PTPN5: variants seen among roughly 807,000 people sequenced by gnomAD.
PTPN5 encodes tyrosine-protein phosphatase non-receptor type 5.
In PTPN5, 29 loss-of-function variants were observed where a neutral mutation model predicts 73.9. The observed-to-expected ratio is 0.39, with a 90% CI of 0.29 to 0.54. The LOEUF is 0.54. Among genes scored for constraint, PTPN5 ranks in the 20% least tolerant of loss-of-function variants. PTPN5 has a pLI of 0.65. For synonymous variants in PTPN5, 267 were observed against 304.7 expected (o/e 0.88, Z 1.29); for missense variants, 652 against 751.4 (o/e 0.87, Z 1.55).
intron 2 of PTPN5, 56 bp from the exon 3 acceptor site, chr11:18,765,939 A>C: frequency 7.7e-7 from 1 of 1,305,416 alleles, no homozygotes; most frequent in Non-Finnish European, 1.1e-6. Flanking sequence ...CAAGACAAAA[A>C]CCCTGAGCAA....
rs546610934 is a variant in PTPN5, at chr11:18,743,718, G to A, written c.291+288C>T. 2.4e-4 allele frequency: 137 copies of A among 575,642 alleles called. 2 individuals carry two copies. The South Asian group carries it at 3.1e-3, about 13-fold the overall frequency. 35.7% of individuals were successfully genotyped at this position (575,642 alleles called of 1,614,324 possible). On this transcript the variant is annotated intron_variant, in intron 4 of 14. Transcript: ENST00000358540. ...TCTCCTAGAAAGGCCTCCACAGACA[G>A]GAGTTCTCAGGAGAACCCTGTACGG...
At chr11:18,756,220 T>C (rs986667953) in intron 3 of PTPN5, among the ~76,000 whole-genome samples, 1 of 151,882 alleles carries the variant, frequency 6.6e-6, no homozygotes, top group South Asian at 2.1e-4. Context: ...CCAGCTGACA[T>C]CTGGCTTATG....
chr11:18,736,226 C>T (rs1395318621), intron 9 of PTPN5, among the ~76,000 whole-genome samples: 2 of 152,122 alleles, frequency 1.3e-5, no homozygotes, highest in African/African-American at 2.4e-5. Context: ...CAGCTTGAGG[C>T]CAGAAGTTTG....
chr11:18,742,039 T>C lies in PTPN5; in HGVS notation c.725+223A>G, dbSNP rs1192877349. ...GAGCATGGGAGAGTGTGTGTGAACA[T>C]GTGTACACCTATGTGTGCGTGTGCA... On this transcript the variant is annotated intron_variant, in intron 7 of 14. Coordinates refer to ENST00000358540, the MANE Select transcript of PTPN5 (RefSeq NM_006906.2). The surrounding 1 kb of genome is among the most constrained non-coding windows in gnomAD (Gnocchi z 4.1). Among the ~76,000 whole-genome samples, 1 of 152,182 alleles carries C rather than the reference T, an allele frequency of 6.6e-6. No individual in the cohort carries two copies. Among genetic ancestry groups the C allele is most frequent in the African/African-American group, 2.4e-5 (1 of 41,444 alleles).
intron 3 of PTPN5, among the ~76,000 whole-genome samples, chr11:18,747,080 G>T (rs1246789477): frequency 1.2e-4 from 19 of 152,076 alleles, no homozygotes; most frequent in Admixed American, 1.2e-3. Flanking sequence ...GCGCTTCTTA[G>T]ATGTTTCTGC....
intron 3 of PTPN5, among the ~76,000 whole-genome samples, chr11:18,753,030 G>A (rs1422595469): frequency 1.3e-5 from 2 of 152,256 alleles, no homozygotes; most frequent in Non-Finnish European, 2.9e-5. Context: ...AACAGGGATT[G>A]CCTGTGGATA....
Position 18,729,826 on chromosome 11 carries a change from G to A in PTPN5, c.1330-8C>T. On this transcript the variant is annotated splice_polypyrimidine_tract_variant and splice_region_variant and intron_variant, in intron 12 of 14. Coordinates refer to ENST00000358540, the MANE Select transcript of PTPN5 (RefSeq NM_006906.2). This position sits in a 1 kb window ranked among gnomAD's most constrained non-coding sequence, Gnocchi z 5.2. ...TCGCTCCTCAGTCCCACTCTGTCGA[G>A]GAGACAGAGGCCCACCCCAGGTATG... The A allele has an allele frequency of 6.2e-7, 1 of 1,614,100 alleles. No individual in the cohort carries two copies. The highest frequency in any genetic ancestry group is 8.5e-7 in the Non-Finnish European group (1 of 1,179,982).
chr11:18,775,178 T>C (rs1851087495), intron 1 of PTPN5, among the ~76,000 whole-genome samples: 1 of 152,238 alleles, frequency 6.6e-6, no homozygotes, highest in Non-Finnish European at 1.5e-5. Context: ...CAGCTAGTTA[T>C]CACAGAACTT....
intron 1 of PTPN5, among the ~76,000 whole-genome samples, chr11:18,789,519 T>G (rs1851818100): frequency 6.6e-6 from 1 of 152,188 alleles, no homozygotes; most frequent in African/African-American, 2.4e-5. Context: ...CATTATGAAG[T>G]CTGTGTAAAC....
intron 8 of PTPN5, among the ~76,000 whole-genome samples, chr11:18,738,702 G>A (rs577316096): frequency 3.3e-5 from 5 of 152,180 alleles, no homozygotes; most frequent in South Asian, 4.2e-4. Context: ...GCCCGGGCGC[G>A]GTGGCTCACG....
intron 3 of PTPN5, 79 bp from the exon 4 acceptor site, chr11:18,744,278 T>A: frequency 7.9e-7 from 1 of 1,264,662 alleles, no homozygotes; most frequent in Non-Finnish European, 1.0e-6. Flanking sequence ...TTGGGGTGGC[T>A]GTGGCTGCCT....
In PTPN5 at chr11:18,743,037, C is replaced by T. The variant is rs1232355632; in HGVS notation, c.438G>A (p.Leu146=). 1.9e-6 allele frequency: 3 copies of T among 1,551,872 alleles called. No homozygotes were observed. The change falls in exon 6 of 15, where the codon CTG becomes CTA. Residue 146 remains leucine, a synonymous_variant. Transcript: ENST00000358540. ...LDSGTWGVPS[L]LLVFLSVGLV... Reference sequence around the variant, plus strand: ...GGCCCACGGACAGAAAGACCAGCAGCAGACTGGGGACTCCCCACGTCCCAG... The same window carrying T: ...GGCCCACGGACAGAAAGACCAGCAGTAGACTGGGGACTCCCCACGTCCCAG...
intron 12 of PTPN5, among the ~76,000 whole-genome samples, chr11:18,731,566 T>C (rs1186714733): frequency 6.6e-6 from 1 of 152,232 alleles, no homozygotes; most frequent in Non-Finnish European, 1.5e-5. Flanking sequence ...CTGGGGAATT[T>C]CTACTCAGGA....
At chr11:18,753,933 A>G (rs867844759) in intron 3 of PTPN5, among the ~76,000 whole-genome samples, 5 of 152,210 alleles carry the variant, frequency 3.3e-5, no homozygotes, top group Middle Eastern at 3.2e-3. Context: ...CAATATGCAC[A>G]ATTAAAAATA....
intron 3 of PTPN5, 63 bp from the exon 4 acceptor site, chr11:18,744,262 C>T: frequency 1.4e-6 from 2 of 1,398,700 alleles, no homozygotes; most frequent in Admixed American, 3.0e-5. Flanking sequence ...GGCTCTGCCA[C>T]CCCTTTTGGG....
In PTPN5 at chr11:18,742,025, A is replaced by T. The variant is rs1218790120; in HGVS notation, c.725+237T>A. Among the ~76,000 whole-genome samples the T allele has an allele frequency of 1.3e-5, 2 of 152,196 alleles. No homozygotes were observed. Among genetic ancestry groups the T allele is most frequent in the Non-Finnish European group, 1.5e-5 (1 of 68,044 alleles). Reference sequence around the variant, plus strand: ...ACCCAAACTTACTTGAGCATGGGAGAGTGTGTGTGAACATGTGTACACCTA... The same window carrying T: ...ACCCAAACTTACTTGAGCATGGGAGTGTGTGTGTGAACATGTGTACACCTA... On this transcript the variant is annotated intron_variant, in intron 7 of 14. Coordinates refer to ENST00000358540, the MANE Select transcript of PTPN5 (RefSeq NM_006906.2). This position sits in a 1 kb window ranked among gnomAD's most constrained non-coding sequence, Gnocchi z 4.1.
intron 3 of PTPN5, among the ~76,000 whole-genome samples, chr11:18,746,953 T>G (rs1227852810): frequency 6.6e-6 from 1 of 152,200 alleles, no homozygotes; most frequent in Non-Finnish European, 1.5e-5. Flanking sequence ...ACCCAGGGGT[T>G]ACCTGGCTTC....
Position 18,764,850 on chromosome 11 carries a change from C to CT in PTPN5, c.97+956dup, listed in dbSNP as rs563036082. 5.7e-3 allele frequency among the ~76,000 whole-genome samples: 872 copies of CT among 152,214 alleles called. 4 individuals carry two copies. Among genetic ancestry groups the CT allele is most frequent in the Middle Eastern group, 0.01 (3 of 294 alleles). ...GCCTCAGCCTCCCAAGTAGCTGGGACTACAGGCGCCCGCCACCACGCCTGG... is the reference window on the plus strand; with the variant it reads ...GCCTCAGCCTCCCAAGTAGCTGGGACTTACAGGCGCCCGCCACCACGCCTGG... On this transcript the variant is annotated intron_variant, in intron 3 of 14. Transcript: ENST00000358540.
At position 18,742,511 on chromosome 11, in the gene PTPN5, G is replaced by A. The variant is rs758920901; in HGVS notation, c.484-8C>T. 1 of 1,612,364 alleles carries A rather than the reference G, an allele frequency of 6.2e-7. No homozygotes were observed. Among genetic ancestry groups the A allele is most frequent in the Non-Finnish European group, 8.5e-7 (1 of 1,179,886 alleles). ...CCTCAGGAGGTGCCACACCTGGTTG[G>A]GGTGTACAGCATCACAGATTTCGGA... On this transcript the variant is annotated splice_region_variant and splice_polypyrimidine_tract_variant and intron_variant, in intron 6 of 14. Transcript: ENST00000358540. This position sits in a 1 kb window ranked among gnomAD's most constrained non-coding sequence, Gnocchi z 4.1.
Sources: gnomAD v4.1 joint callset for allele counts (sites outside exome capture counted in the v4.1 genomes callset) on GRCh38, gnomAD v4.1.1 for gene constraint, Gnocchi (gnomAD v3.1) non-coding constraint, MANE v1.5 for transcripts, NCBI Gene and HGNC (gene_info 2026-07-23, HGNC 2026-07-21) for gene names.